CADM2: variants seen among roughly 807,000 people sequenced by gnomAD.
CADM2 encodes immunoglobulin superfamily member 4D.
Under a neutral mutation model 49.8 loss-of-function variants are expected in CADM2, and 12 were observed. The ratio of observed to expected loss-of-function variants is 0.24; its 90% confidence interval spans 0.15 to 0.39. The LOEUF (loss-of-function observed/expected upper bound fraction) is 0.39, where lower values mean the gene tolerates loss of function less well. Among genes scored for constraint, CADM2 ranks in the 10% least tolerant of loss-of-function variants. The probability of loss-of-function intolerance (pLI) is 1.00; values close to 1 mark genes in which losing one functional copy is unlikely to be tolerated. For missense variants in CADM2, 378 were observed against 492.3 expected, an observed-to-expected ratio of 0.77 and a Z score of 2.20; for synonymous variants, 214 against 175.4, an observed-to-expected ratio of 1.22 and a Z score of -1.74.
chr3:85,826,678 T>A (rs910088000), intron 3 of CADM2, among the ~76,000 whole-genome samples: 11 of 151,946 alleles, frequency 7.2e-5, no homozygotes, highest in Admixed American at 7.2e-4. Context: ...CCATGGGGAA[T>A]TTCTGGAAGA....
chr3:85,014,008 GTATAT>G (rs1275669741), intron 1 of CADM2, among the ~76,000 whole-genome samples: 2 of 134,898 alleles, frequency 1.5e-5, no homozygotes, highest in African/African-American at 5.5e-5. Flanking sequence ...TAATAATATT[GTATAT>G]TATATATACG....
intron 1 of CADM2, among the ~76,000 whole-genome samples, chr3:85,656,652 G>A (rs1159194056): frequency 6.6e-6 from 1 of 152,024 alleles, no homozygotes; most frequent in Non-Finnish European, 1.5e-5. Context: ...TAATAAATAA[G>A]TAAATAAATT....
chr3:86,021,654 C>T (rs1733196215), intron 8 of CADM2, among the ~76,000 whole-genome samples: 1 of 152,108 alleles, frequency 6.6e-6, no homozygotes, highest in Admixed American at 6.5e-5. Flanking sequence ...AGTTTATTGT[C>T]CTCCAGGCTC....
intron 1 of CADM2, among the ~76,000 whole-genome samples, chr3:85,199,369 A>G (rs375157554): frequency 0.016 from 1,439 of 91,310 alleles, 9 homozygotes; most frequent in African/African-American, 0.038. Context: ...GTGTGTGTGT[A>G]TGAGAGAGAG....
At chr3:85,866,808 A>G (rs1317825271) in intron 3 of CADM2, among the ~76,000 whole-genome samples, 1 of 152,118 alleles carries the variant, frequency 6.6e-6, no homozygotes, top group African/African-American at 2.4e-5. Flanking sequence ...ATCTGAACAC[A>G]TAAATATTTA....
At chr3:85,225,865 G>A (rs1294427631) in intron 1 of CADM2, among the ~76,000 whole-genome samples, 2 of 152,098 alleles carry the variant, frequency 1.3e-5, no homozygotes, top group Admixed American at 6.6e-5. Context: ...TAATCATGTG[G>A]TTTTTGTCAT....
chr3:85,857,948 G>T (rs1362133919), intron 3 of CADM2, among the ~76,000 whole-genome samples: 1 of 152,190 alleles, frequency 6.6e-6, no homozygotes, highest in African/African-American at 2.4e-5. Context: ...TTGGGTGACT[G>T]CAGGTAATGA....
At chr3:85,113,669 C>CT (rs5850668) in intron 1 of CADM2, among the ~76,000 whole-genome samples, 15,843 of 146,912 alleles carry the variant, frequency 0.11, 1,831 homozygotes, top group African/African-American at 0.29. Context: ...ATATTTATTG[C>CT]TTTTTTTTAT....
chr3:85,868,520 C>G (rs145238379), intron 3 of CADM2, among the ~76,000 whole-genome samples: 4 of 151,954 alleles, frequency 2.6e-5, no homozygotes, highest in Admixed American at 2.6e-4. Flanking sequence ...TTTTCTGAGG[C>G]CTTGAATGTC....
chr3:85,517,061 C>A (rs1017314112), intron 1 of CADM2, among the ~76,000 whole-genome samples: 1 of 151,584 alleles, frequency 6.6e-6, no homozygotes, highest in African/African-American at 2.4e-5. Flanking sequence ...ACAACTACAC[C>A]ACTCTGGTTA....
At chr3:85,826,417 T>G (rs1364751566) in intron 3 of CADM2, among the ~76,000 whole-genome samples, 1 of 152,068 alleles carries the variant, frequency 6.6e-6, no homozygotes, top group African/African-American at 2.4e-5. Context: ...ATAACAGTAA[T>G]GAATTATTTT....
At chr3:85,730,506 G>T (rs1435772980) in intron 2 of CADM2, among the ~76,000 whole-genome samples, 2 of 151,316 alleles carry the variant, frequency 1.3e-5, no homozygotes, top group Admixed American at 6.6e-5. Context: ...TTCAGAGCTT[G>T]CCTGAAATAG....
chr3:85,306,954 A>T (rs1370492287), intron 1 of CADM2, among the ~76,000 whole-genome samples: 1 of 151,502 alleles, frequency 6.6e-6, no homozygotes, highest in Non-Finnish European at 1.5e-5. Context: ...TTCAGTCAGT[A>T]TTTCTTCTCC....
intron 3 of CADM2, among the ~76,000 whole-genome samples, chr3:85,873,748 T>G (rs369464817): frequency 6.6e-6 from 1 of 152,304 alleles, no homozygotes; most frequent in Admixed American, 6.5e-5. Context: ...ATTTTTAAAA[T>G]TTTTATTACT....
chr3:85,732,094 C>CAAAAAAAAAA (rs3044020), intron 2 of CADM2, among the ~76,000 whole-genome samples: 1 of 90,826 alleles, frequency 1.1e-5, no homozygotes, highest in Non-Finnish European at 2.1e-5. Context: ...CTAAGAATAC[C>CAAAAAAAAAA]AAAAAAAAAA....
intron 1 of CADM2, among the ~76,000 whole-genome samples, chr3:84,971,798 T>A (rs1416661671): frequency 3.9e-5 from 6 of 152,064 alleles, no homozygotes; most frequent in African/African-American, 1.2e-4. Flanking sequence ...AACTATAAGG[T>A]AAAAGTAAAT....
chr3:85,163,217 A>G (rs1325238455), intron 1 of CADM2, among the ~76,000 whole-genome samples: 1 of 152,146 alleles, frequency 6.6e-6, no homozygotes, highest in East Asian at 1.9e-4. Context: ...CCTCTAGTCC[A>G]TGTAGACTGA....
intron 1 of CADM2, among the ~76,000 whole-genome samples, chr3:85,048,721 T>G (rs973586633): frequency 6.6e-6 from 1 of 152,106 alleles, no homozygotes; most frequent in Non-Finnish European, 1.5e-5. Context: ...CTCCCAAGAT[T>G]GCAGGTAATA....
At chr3:85,713,408 T>A (rs2067180905) in intron 1 of CADM2, among the ~76,000 whole-genome samples, 1 of 152,084 alleles carries the variant, frequency 6.6e-6, no homozygotes, top group Non-Finnish European at 1.5e-5. Flanking sequence ...CTGGGCCTCC[T>A]AAAGTGCTGG....
Sources: allele counts gnomAD v4.1 joint callset (sites outside exome capture counted in the v4.1 genomes callset), GRCh38; gene constraint gnomAD v4.1.1; transcripts MANE v1.5; gene names NCBI Gene and HGNC (gene_info 2026-07-23, HGNC 2026-07-21).